Variants in PTPRT observed in about 807,000 individuals in gnomAD.
The protein encoded by PTPRT is receptor-type tyrosine-protein phosphatase T.
PTPRT carries 56 observed loss-of-function variants against 176.8 expected under a neutral mutation model. The observed-to-expected ratio is 0.32, with a 90% CI of 0.26 to 0.40. The LOEUF (loss-of-function observed/expected upper bound fraction) is 0.40. Among genes scored for constraint, PTPRT ranks in the 10% least tolerant of loss-of-function variants. PTPRT has a pLI of 1.00. For missense variants in PTPRT, 1,540 were observed against 1,908.2 expected (o/e 0.81, Z 3.60); for synonymous variants, 783 against 739.0 (o/e 1.06, Z -0.96).
intron 11 of PTPRT, among the ~76,000 whole-genome samples, chr20:42,347,712 A>G (rs1316883615): frequency 6.6e-6 from 1 of 152,068 alleles, no homozygotes; most frequent in Admixed American, 6.5e-5. Context: ...CAATCAGATC[A>G]CTCCATTACC....
intron 9 of PTPRT, among the ~76,000 whole-genome samples, chr20:42,391,697 A>G (rs2058801302): frequency 6.6e-6 from 1 of 152,204 alleles, no homozygotes; most frequent in Non-Finnish European, 1.5e-5. Flanking sequence ...ACTAGCCACA[A>G]TGGTGAAAGA....
At chr20:42,927,196 A>C (rs889231983) in intron 1 of PTPRT, among the ~76,000 whole-genome samples, 1 of 152,210 alleles carries the variant, frequency 6.6e-6, no homozygotes, top group African/African-American at 2.4e-5. Context: ...CCAGAGCTGA[A>C]GCCACTGCCT....
chr20:42,968,642 C>A (rs1982441944), intron 1 of PTPRT: 1 of 152,238 alleles, frequency 6.6e-6, no homozygotes, highest in Non-Finnish European at 1.5e-5. Context: ...CCGGGCTGAT[C>A]AATCACTTTC....
At chr20:42,141,860 T>C in intron 18 of PTPRT, 55 bp downstream of exon 18, 2 of 1,478,012 alleles carry the variant, frequency 1.4e-6, no homozygotes, top group Non-Finnish European at 1.9e-6. Flanking sequence ...TAATAGCCTC[T>C]TTTCCCCTGC....
At chr20:43,065,721 AG>A (rs1346335382) in intron 1 of PTPRT, among the ~76,000 whole-genome samples, 1 of 152,146 alleles carries the variant, frequency 6.6e-6, no homozygotes, top group African/African-American at 2.4e-5. Context: ...CTGAAAGGAG[AG>A]GCTCACATGT....
intron 7 of PTPRT, among the ~76,000 whole-genome samples, chr20:42,611,642 T>G (rs2073978206): frequency 6.6e-6 from 1 of 152,186 alleles, no homozygotes; most frequent in Admixed American, 6.5e-5. Context: ...GACTCATTGC[T>G]GAGATGGTCA....
the PTPRT span, among the ~76,000 whole-genome samples, chr20:42,064,669 T>A: frequency 1.1e-4 from 16 of 152,260 alleles, no homozygotes; most frequent in Non-Finnish European, 2.1e-4. Context: ...TCAGTCTTAA[T>A]AGTTTTTGGC....
chr20:43,083,354 ATATATATATATATAT>A (rs2011512932), intron 1 of PTPRT, among the ~76,000 whole-genome samples: 4 of 129,818 alleles, frequency 3.1e-5, no homozygotes, highest in East Asian at 2.1e-4. Flanking sequence ...ATATATATAT[ATATATATATATATAT>A]ACATTTTTTG....
intron 6 of PTPRT, among the ~76,000 whole-genome samples, chr20:42,734,000 C>T (rs8121722): frequency 0.01 from 1,599 of 152,304 alleles, 29 homozygotes; most frequent in African/African-American, 0.037. Context: ...GAAGCAGACC[C>T]TGAAGCCATG....
intron 7 of PTPRT, among the ~76,000 whole-genome samples, chr20:42,659,529 G>A (rs939627534): frequency 6.6e-6 from 1 of 152,216 alleles, no homozygotes; most frequent in African/African-American, 2.4e-5. Context: ...GGGAGTTAGA[G>A]TCTAATCTAT....
At position 42,076,953 on chromosome 20, in the gene PTPRT, G is replaced by A. The variant is rs1982834046; in HGVS notation, c.*3926C>T. ...CCTGGGAAAAATGTGAGATACAATGGTGGAAAAATATTGTCTCTGTAGTGA... is the reference window on the plus strand; with the variant it reads ...CCTGGGAAAAATGTGAGATACAATGATGGAAAAATATTGTCTCTGTAGTGA... On this transcript the variant is annotated 3_prime_UTR_variant, in exon 31 of 31. Transcript: ENST00000373187. The A allele has an allele frequency of 1.0e-5, 2 of 195,980 alleles. No homozygotes were observed. The allele number at this position is 195,980 out of a possible 1,614,324, so 12.1% of individuals were successfully genotyped here.
intron 4 of PTPRT, among the ~76,000 whole-genome samples, chr20:42,772,794 G>A (rs1339894714): frequency 6.6e-6 from 1 of 152,184 alleles, no homozygotes; most frequent in Non-Finnish European, 1.5e-5. Context: ...GAGACAAATA[G>A]TAACAATAAT....
At chr20:42,463,071 G>C (rs2071046813) in intron 8 of PTPRT, among the ~76,000 whole-genome samples, 1 of 152,022 alleles carries the variant, frequency 6.6e-6, no homozygotes, top group Admixed American at 6.6e-5. Context: ...AGCAAAATCA[G>C]GATGTCTCAC....
intron 11 of PTPRT, among the ~76,000 whole-genome samples, chr20:42,336,757 G>T (rs2058045932): frequency 6.6e-6 from 1 of 152,082 alleles, no homozygotes; most frequent in Non-Finnish European, 1.5e-5. Context: ...AAATAGCTAA[G>T]AATTACGCAA....
At chr20:43,091,515 T>A (rs1216075361) in intron 1 of PTPRT, among the ~76,000 whole-genome samples, 1 of 145,128 alleles carries the variant, frequency 6.9e-6, no homozygotes. Flanking sequence ...CTCTCCCCCC[T>A]CTCTTTCTCT....
At position 42,614,062 on chromosome 20, in the gene PTPRT, T is replaced by A. The variant is rs1009112904; in HGVS notation, c.1153+63804A>T. Among the ~76,000 whole-genome samples, 118 of 152,060 alleles carry A rather than the reference T, an allele frequency of 7.8e-4. 1 individual carries two copies. Among genetic ancestry groups the A allele is most frequent in the Non-Finnish European group, 5.7e-4 (39 of 67,988 alleles). On this transcript the variant is annotated intron_variant, in intron 7 of 30. Coordinates refer to ENST00000373187, the MANE Select transcript of PTPRT (RefSeq NM_007050.6). ...AAACTGAAAGTCCAAGATCAAGGTG[T>A]CAGCAGGGTGGATTCCTTTGAAGGG...
In PTPRT at chr20:42,204,549, T is replaced by C. The variant is rs148808791; in HGVS notation, c.2343-5161A>G. Among the ~76,000 whole-genome samples the C allele has an allele frequency of 1.8e-3, 277 of 152,300 alleles. 2 individuals carry two copies. The highest frequency in any genetic ancestry group is 5.8e-3 in the East Asian group (30 of 5,180). On this transcript the variant is annotated intron_variant, in intron 15 of 30. Transcript: ENST00000373187. Reference sequence around the variant, plus strand: ...GGAACATTTCCAAAGCTGAAGACTGTTTTAAGACACAGCAATCCAAAGTTT... The same window carrying C: ...GGAACATTTCCAAAGCTGAAGACTGCTTTAAGACACAGCAATCCAAAGTTT...
chr20:42,298,042 T>C (rs2057413443), intron 12 of PTPRT, among the ~76,000 whole-genome samples: 1 of 152,174 alleles, frequency 6.6e-6, no homozygotes, highest in African/African-American at 2.4e-5. Flanking sequence ...TTTTATTTGC[T>C]GTGGCAAAAA....
At chr20:42,870,001 G>A (rs544403452) in intron 2 of PTPRT, among the ~76,000 whole-genome samples, 3 of 152,088 alleles carry the variant, frequency 2.0e-5, no homozygotes, top group South Asian at 2.1e-4. Flanking sequence ...AATAGAAATG[G>A]GGTCCTCATC....
Sources: gnomAD v4.1 joint callset for allele counts (sites outside exome capture counted in the v4.1 genomes callset) on GRCh38, gnomAD v4.1.1 for gene constraint, MANE v1.5 for transcripts, NCBI Gene and HGNC (gene_info 2026-07-23, HGNC 2026-07-21) for gene names.